The following XKR9 variants were observed in gnomAD, a reference collection of about 807,000 sequenced individuals.
XKR9 encodes XK-related protein 9.
In XKR9, 32 loss-of-function variants were observed where a neutral mutation model predicts 32.0. The observed-to-expected ratio is 1.00, with a 90% CI of 0.76 to 1.34. The LOEUF (loss-of-function observed/expected upper bound fraction) is 1.34, where lower values mean the gene tolerates loss of function less well. XKR9 is among the 40% of genes most tolerant of loss of function. The probability of loss-of-function intolerance (pLI) is 0.00; values close to 1 mark genes in which losing one functional copy is unlikely to be tolerated. For synonymous variants in XKR9, 168 were observed against 143.4 expected (o/e 1.17, Z -1.22); for missense variants, 546 against 429.7 (o/e 1.27, Z -2.39).
chr8:70,759,540 A>C (rs917734372), intron 2 of XKR9, among the ~76,000 whole-genome samples: 1 of 152,166 alleles, frequency 6.6e-6, no homozygotes, highest in Non-Finnish European at 1.5e-5. Flanking sequence ...TAGAAAACAA[A>C]TGTTTTTTTT....
At chr8:70,745,505 G>T (rs182573241) in intron 2 of XKR9, among the ~76,000 whole-genome samples, 1 of 152,030 alleles carries the variant, frequency 6.6e-6, no homozygotes, top group Non-Finnish European at 1.5e-5. Context: ...GAATCTCCTG[G>T]AGTGCTTATT....
the XKR9 span, among the ~76,000 whole-genome samples, chr8:71,036,583 A>G: frequency 6.6e-6 from 1 of 152,148 alleles, no homozygotes; most frequent in Non-Finnish European, 1.5e-5. Flanking sequence ...TTGGACATCT[A>G]TGAGCCTCAT....
chr8:70,752,194 G>T (rs1807152008), intron 2 of XKR9, among the ~76,000 whole-genome samples: 1 of 152,162 alleles, frequency 6.6e-6, no homozygotes, highest in Non-Finnish European at 1.5e-5. Flanking sequence ...TCATATGAAT[G>T]GAATCATATA....
chr8:70,861,333 A>G, the XKR9 span, among the ~76,000 whole-genome samples: 1 of 152,022 alleles, frequency 6.6e-6, no homozygotes, highest in Non-Finnish European at 1.5e-5. Context: ...TAAAATGGAG[A>G]TTATAATAAA....
the XKR9 span, among the ~76,000 whole-genome samples, chr8:71,024,883 A>G: frequency 6.6e-6 from 1 of 152,046 alleles, no homozygotes; most frequent in East Asian, 1.9e-4. Flanking sequence ...TTGAAGTATG[A>G]TTATTTACTC....
chr8:70,793,451 G>A (rs1006025574), downstream of XKR9, among the ~76,000 whole-genome samples: 1 of 152,128 alleles, frequency 6.6e-6, no homozygotes, highest in African/African-American at 2.4e-5. Context: ...CTCAGCTCCT[G>A]TGCCATGTAA....
At chr8:70,931,636 T>C in the XKR9 span, among the ~76,000 whole-genome samples, 1 of 152,214 alleles carries the variant, frequency 6.6e-6, no homozygotes, top group Non-Finnish European at 1.5e-5. Flanking sequence ...CTCACACTTC[T>C]GCAGGCTGTA....
the XKR9 span, among the ~76,000 whole-genome samples, chr8:71,045,577 C>T: frequency 1.1e-4 from 17 of 152,188 alleles, 1 homozygote; most frequent in African/African-American, 3.4e-4. Context: ...TTTTGTGGCC[C>T]GGGGAGAAGA....
intron 2 of XKR9, among the ~76,000 whole-genome samples, chr8:70,776,309 A>T (rs1004929942): frequency 6.6e-6 from 1 of 152,132 alleles, no homozygotes; most frequent in Non-Finnish European, 1.5e-5. Flanking sequence ...CTTTCAAGGA[A>T]TATGTCTGTT....
the XKR9 span, among the ~76,000 whole-genome samples, chr8:70,901,359 T>C: frequency 3.3e-5 from 5 of 152,342 alleles, no homozygotes; most frequent in African/African-American, 1.2e-4. Flanking sequence ...TTCTAACTGG[T>C]GTGAGATGGT....
the XKR9 span, among the ~76,000 whole-genome samples, chr8:70,795,725 A>G: frequency 6.6e-6 from 1 of 152,004 alleles, no homozygotes; most frequent in African/African-American, 2.4e-5. Context: ...GCATTTCTCT[A>G]ATGATCACTG....
At chr8:70,921,131 C>T in the XKR9 span, among the ~76,000 whole-genome samples, 4 of 152,158 alleles carry the variant, frequency 2.6e-5, no homozygotes, top group Non-Finnish European at 5.9e-5. Context: ...ATCTGTAGGC[C>T]TAATGATGCA....
the XKR9 span, among the ~76,000 whole-genome samples, chr8:71,039,347 A>G: frequency 6.6e-6 from 1 of 152,224 alleles, no homozygotes; most frequent in Non-Finnish European, 1.5e-5. Flanking sequence ...AGCCTAGCCT[A>G]CTTTAAACAT....
intron 1 of XKR9, among the ~76,000 whole-genome samples, chr8:70,673,152 T>C (rs1460976613): frequency 6.6e-6 from 1 of 152,252 alleles, no homozygotes; most frequent in African/African-American, 2.4e-5. Flanking sequence ...AATGTCCTTA[T>C]GTATTTTACC....
the XKR9 span, among the ~76,000 whole-genome samples, chr8:70,860,870 C>T: frequency 1.3e-5 from 2 of 151,978 alleles, no homozygotes; most frequent in Admixed American, 6.6e-5. Context: ...GTAAAGTGGA[C>T]CTAAGTAGCG....
chr8:70,913,230 A>G, the XKR9 span, among the ~76,000 whole-genome samples: 1 of 152,182 alleles, frequency 6.6e-6, no homozygotes, highest in African/African-American at 2.4e-5. Flanking sequence ...TACATTTTCA[A>G]TTGAGAGCCA....
chr8:70,801,941 T>TC, the XKR9 span, among the ~76,000 whole-genome samples: 1 of 150,586 alleles, frequency 6.6e-6, no homozygotes, highest in African/African-American at 2.4e-5. Flanking sequence ...TTTCTTTCTT[T>TC]TTTTTTTTTT....
At chr8:71,020,820 T>C in the XKR9 span, among the ~76,000 whole-genome samples, 1 of 152,232 alleles carries the variant, frequency 6.6e-6, no homozygotes, top group African/African-American at 2.4e-5. Context: ...TGTTAACTAT[T>C]ATCACCCTAC....
downstream of XKR9, among the ~76,000 whole-genome samples, chr8:70,791,770 A>G (rs576983527): frequency 4.6e-5 from 7 of 152,242 alleles, no homozygotes; most frequent in South Asian, 8.3e-4. Context: ...GTATTCTGTT[A>G]TAGCTTCACA....
Sources: gnomAD v4.1 joint callset for allele counts (sites outside exome capture counted in the v4.1 genomes callset) on GRCh38, gnomAD v4.1.1 for gene constraint, MANE v1.5 for transcripts, NCBI Gene and HGNC (gene_info 2026-07-23, HGNC 2026-07-21) for gene names.